MSH3: variants seen among roughly 807,000 people sequenced by gnomAD.
MSH3 encodes the protein DNA mismatch repair protein Msh3.
A neutral mutation model predicts 123.3 loss-of-function variants in MSH3; 106 were observed. The observed-to-expected ratio is 0.86, with a 90% CI of 0.73 to 1.01. MSH3 has a LOEUF of 1.01. Among genes scored for constraint, MSH3 ranks in the 50% least tolerant of loss-of-function variants. The pLI is 0.00. For synonymous variants in MSH3, 515 were observed against 481.4 expected (o/e 1.07, Z -0.91); for missense variants, 1,459 against 1,347.6 (o/e 1.08, Z -1.29).
At chr5:80,804,610 C>T (rs1286789119) in intron 19 of MSH3, among the ~76,000 whole-genome samples, 1 of 152,238 alleles carries the variant, frequency 6.6e-6, no homozygotes, top group Non-Finnish European at 1.5e-5. Flanking sequence ...TTGTTGTCCT[C>T]CTTTACTTTC....
intron 20 of MSH3, among the ~76,000 whole-genome samples, chr5:80,848,754 G>A (rs904268974): frequency 7.9e-5 from 12 of 152,276 alleles, no homozygotes; most frequent in Non-Finnish European, 1.3e-4. Context: ...CAACACGTGG[G>A]AATTATGGGA....
In MSH3 at chr5:80,761,738, A is replaced by G. The variant is rs373471738; in HGVS notation, c.1896+60A>G. ...GTTCTTCAGCTTGAGGACACTATAT[A>G]TTAAAAGAAAACTTTTGAGAGCTCT... On this transcript the variant is annotated intron_variant, in intron 13 of 23. Transcript: ENST00000265081. 331 of 1,588,278 alleles carry G rather than the reference A, an allele frequency of 2.1e-4. No individual in the cohort carries two copies. In the African/African-American group the frequency reaches 3.8e-3, roughly 18 times the overall value.
intron 13 of MSH3, 44 bp downstream of exon 13, chr5:80,761,722 C>A (rs1213285726): frequency 6.2e-7 from 1 of 1,608,272 alleles, no homozygotes. Flanking sequence ...TGTTCTTCAG[C>A]TTGAGGACAC....
intron 20 of MSH3, among the ~76,000 whole-genome samples, chr5:80,823,994 A>G (rs981745415): frequency 7.2e-5 from 11 of 152,194 alleles, no homozygotes; most frequent in African/African-American, 2.2e-4. Context: ...CACATGTTTC[A>G]GAGAGCACAG....
intron 15 of MSH3, among the ~76,000 whole-genome samples, chr5:80,774,524 G>A (rs1416075318): frequency 1.3e-5 from 2 of 152,136 alleles, no homozygotes; most frequent in African/African-American, 4.8e-5. Flanking sequence ...GTTTATTGCA[G>A]CACTATTCAC....
chr5:80,869,096 T>A (rs1367938906), intron 22 of MSH3, among the ~76,000 whole-genome samples: 1 of 152,184 alleles, frequency 6.6e-6, no homozygotes, highest in Non-Finnish European at 1.5e-5. Flanking sequence ...TGTGTTTTAG[T>A]CTATTCCAAT....
chr5:80,693,631 ACACACAC>A (rs1184996148), intron 8 of MSH3, among the ~76,000 whole-genome samples: 5 of 45,026 alleles, frequency 1.1e-4, no homozygotes, highest in Middle Eastern at 8.6e-3. Context: ...ATATACACAC[ACACACAC>A]ACACACACAC....
At chr5:80,863,588 G>A (rs1304001318) in intron 21 of MSH3, among the ~76,000 whole-genome samples, 2 of 151,502 alleles carry the variant, frequency 1.3e-5, no homozygotes, top group African/African-American at 4.9e-5. Flanking sequence ...GGAGAATGGC[G>A]TAAACCCGGG....
At chr5:80,870,019 C>T (rs941345063) in intron 22 of MSH3, among the ~76,000 whole-genome samples, 1 of 150,934 alleles carries the variant, frequency 6.6e-6, no homozygotes, top group Non-Finnish European at 1.5e-5. Context: ...ACTAAAAATA[C>T]AAAAAGTAGC....
At chr5:80,670,936 A>G (rs1285893375) in intron 4 of MSH3, among the ~76,000 whole-genome samples, 1 of 152,004 alleles carries the variant, frequency 6.6e-6, no homozygotes, top group East Asian at 1.9e-4. Flanking sequence ...CCTGGCCAAC[A>G]TGGTGAAACC....
intron 9 of MSH3, among the ~76,000 whole-genome samples, chr5:80,727,600 A>G (rs1390521081): frequency 6.6e-6 from 1 of 152,216 alleles, no homozygotes; most frequent in South Asian, 2.1e-4. Context: ...ACACATAAAC[A>G]TACACATATA....
intron 13 of MSH3, among the ~76,000 whole-genome samples, chr5:80,762,885 CACCCAGGCTGGAG>C (rs1744066331): frequency 6.7e-6 from 1 of 148,514 alleles, no homozygotes; most frequent in Admixed American, 6.7e-5. Context: ...TTACTCTCGT[CACCCAGGCTGGAG>C]TGCAATGGCG....
intron 23 of MSH3, 57 bp from the exon 24 acceptor site, chr5:80,875,694 C>T (rs975748798): frequency 4.3e-5 from 42 of 985,378 alleles, no homozygotes; most frequent in East Asian, 1.8e-4. Flanking sequence ...TCTGATGAGA[C>T]GTATTGTCTC....
intron 7 of MSH3, among the ~76,000 whole-genome samples, chr5:80,675,409 A>G (rs1405585569): frequency 6.6e-6 from 1 of 152,180 alleles, no homozygotes; most frequent in East Asian, 1.9e-4. Flanking sequence ...ATGGTTCCAC[A>G]GGCTGTACAG....
In MSH3 at chr5:80,684,894, C is replaced by T. The variant is rs570955597; in HGVS notation, c.1340+5801C>T. Among the ~76,000 whole-genome samples the T allele has an allele frequency of 2.0e-5, 3 of 151,890 alleles. No homozygotes were observed. In the South Asian group the frequency reaches 6.3e-4, roughly 32 times the overall value. ...GAAGCGTTGTTGAATTTTATCAAAT[C>T]CTTTTTCAGCATCAAATGAAATGAT... On this transcript the variant is annotated intron_variant, in intron 8 of 23. Coordinates refer to ENST00000265081, the MANE Select transcript of MSH3 (RefSeq NM_002439.5).
At chr5:80,679,154 C>A (rs1312645208) in intron 8 of MSH3, 61 bp downstream of exon 8, 22 of 1,514,956 alleles carry the variant, frequency 1.5e-5, no homozygotes, top group African/African-American at 2.7e-5. Context: ...AGTTCCAAAA[C>A]TGATACTTAT....
intron 17 of MSH3, among the ~76,000 whole-genome samples, chr5:80,780,797 G>A (rs1744397236): frequency 6.6e-6 from 1 of 152,168 alleles, no homozygotes; most frequent in Non-Finnish European, 1.5e-5. Flanking sequence ...GAACCGGGGA[G>A]GCGGAGGTTG....
At chr5:80,666,497 C>T (rs956288001) in intron 3 of MSH3, among the ~76,000 whole-genome samples, 1 of 152,086 alleles carries the variant, frequency 6.6e-6, no homozygotes, top group African/African-American at 2.4e-5. Context: ...TGTTTTTAGT[C>T]TCTTTTAATA....
intron 20 of MSH3, among the ~76,000 whole-genome samples, chr5:80,835,457 G>T (rs941517992): frequency 2.0e-5 from 3 of 151,548 alleles, no homozygotes; most frequent in Non-Finnish European, 2.9e-5. Flanking sequence ...TTGAATAAGC[G>T]GAAGGTAAAA....
Sources: allele counts gnomAD v4.1 joint callset (sites outside exome capture counted in the v4.1 genomes callset), GRCh38; gene constraint gnomAD v4.1.1; transcripts MANE v1.5; gene names NCBI Gene and HGNC (gene_info 2026-07-23, HGNC 2026-07-21).